KANSL1: variants seen among roughly 807,000 people sequenced by gnomAD.
KANSL1 encodes the protein KAT8 regulatory NSL complex subunit 1, also known as MLL1/MLL complex subunit KANSL1.
In KANSL1, 22 loss-of-function variants were observed where a neutral mutation model predicts 103.6. The observed-to-expected ratio is 0.21, with a 90% confidence interval of 0.15 to 0.30. KANSL1 has a LOEUF of 0.30. KANSL1 is among the 10% of genes least tolerant of loss of function. The pLI is 1.00. For missense variants in KANSL1, 1,337 were observed against 1,399.8 expected, an observed-to-expected ratio of 0.96 and a Z score of 0.72; for synonymous variants, 600 against 527.6, an observed-to-expected ratio of 1.14 and a Z score of -1.88.
Position 46,031,775 on chromosome 17 carries a change from C to A in KANSL1, c.3091-72G>T. 2.1e-6 allele frequency: 3 copies of A among 1,401,008 alleles called. No homozygotes were observed. The South Asian group carries it at 3.9e-5, about 18-fold the overall frequency. The allele number at this position is 1,401,008 out of a possible 1,614,324, so 86.8% of individuals were successfully genotyped here. A position where few individuals can be genotyped will look rare whatever the true frequency, so the allele number is the denominator to read the frequency against. Reference sequence around the variant, plus strand: ...TGCTTCCTGCTCCAAGGCCCTGCCACAAACCTTGTGGCCTGGAGCCTAGGA... The same window carrying A: ...TGCTTCCTGCTCCAAGGCCCTGCCAAAAACCTTGTGGCCTGGAGCCTAGGA... On this transcript the variant is annotated intron_variant, in intron 14 of 14. Transcript: ENST00000432791.
chr17:46,168,977 C>T (rs1447609429), intron 2 of KANSL1, among the ~76,000 whole-genome samples: 1 of 152,208 alleles, frequency 6.6e-6, no homozygotes, highest in Admixed American at 6.5e-5. Flanking sequence ...GTTTGTAACG[C>T]TTACCTACAA....
At chr17:46,167,886 G>T (rs987781603) in intron 2 of KANSL1, among the ~76,000 whole-genome samples, 1 of 152,236 alleles carries the variant, frequency 6.6e-6, no homozygotes, top group African/African-American at 2.4e-5. Flanking sequence ...TCTTAGTGAA[G>T]AAAGGGATTA....
intron 1 of KANSL1, among the ~76,000 whole-genome samples, chr17:46,184,088 A>G (rs1478858891): frequency 2.0e-5 from 3 of 152,334 alleles, no homozygotes; most frequent in South Asian, 2.1e-4. Flanking sequence ...ACTTTTTACC[A>G]TAAATATTTA....
At chr17:46,035,816 G>A (rs1394288410) in intron 10 of KANSL1, 1 of 148,802 alleles carries the variant, frequency 6.7e-6, no homozygotes, top group African/African-American at 2.4e-5. Context: ...TAGTACCTTC[G>A]AGAAAAAGAT....
intron 2 of KANSL1, among the ~76,000 whole-genome samples, chr17:46,160,039 A>C (rs2147606268): frequency 6.6e-6 from 1 of 152,324 alleles, no homozygotes; most frequent in South Asian, 2.1e-4. Context: ...TATCAGTTCC[A>C]GGAGTTATCT....
intron 3 of KANSL1, among the ~76,000 whole-genome samples, chr17:46,082,786 T>C (rs985490812): frequency 6.6e-5 from 10 of 152,142 alleles, no homozygotes; most frequent in Non-Finnish European, 1.2e-4. Context: ...ATCAGCCATT[T>C]AGCATCTTTA....
chr17:46,140,231 GA>G (rs568450002), intron 2 of KANSL1, among the ~76,000 whole-genome samples: 1 of 152,016 alleles, frequency 6.6e-6, no homozygotes, highest in African/African-American at 2.4e-5. Flanking sequence ...TATACAACCG[GA>G]AAAAATTTTA....
At chr17:46,196,564 C>A, upstream of KANSL1, 2 of 391,486 alleles carry the variant, frequency 5.1e-6, no homozygotes, top group South Asian at 3.7e-5. Context: ...GAGAGTTGGT[C>A]CTTGGTGATA....
intron 2 of KANSL1, among the ~76,000 whole-genome samples, chr17:46,164,999 C>T (rs909464326): frequency 4.6e-5 from 7 of 152,146 alleles, no homozygotes; most frequent in Non-Finnish European, 1.0e-4. Context: ...CCCAGTTACT[C>T]CTGAGGCTGA....
intron 7 of KANSL1, chr17:46,042,787 G>GAAAAAA (rs66892743): frequency 1.3e-5 from 1 of 78,632 alleles, no homozygotes; most frequent in Non-Finnish European, 3.3e-5. Context: ...CTGAGTTGGG[G>GAAAAAA]AAAAAAAAAA....
At position 46,031,555 on chromosome 17, in the gene KANSL1, G is replaced by A. The variant is rs768634007; in HGVS notation, c.3239C>T (p.Pro1080Leu). The A allele has an allele frequency of 2.5e-6, 4 of 1,614,088 alleles. No homozygotes were observed. The highest frequency in any genetic ancestry group is 3.4e-6 in the Non-Finnish European group (4 of 1,180,008). The part of the protein sequence containing the change: ...SKTGRETEAA[P>L]TSPPIVPLKS... ...GAGGGGGACAATGGGAGGCGAGGTGGGCGCTGCCTCTGTCTCCCGGCCAGT... is the reference window on the plus strand; with the variant it reads ...GAGGGGGACAATGGGAGGCGAGGTGAGCGCTGCCTCTGTCTCCCGGCCAGT... The change falls in exon 15 of 15, where the codon CCC becomes CTC. Residue 1080 changes from proline (P) to leucine (L), a missense_variant. Transcript: ENST00000432791.
At chr17:46,177,963 G>T (rs1233126179) in intron 1 of KANSL1, among the ~76,000 whole-genome samples, 1 of 152,104 alleles carries the variant, frequency 6.6e-6, no homozygotes, top group Non-Finnish European at 1.5e-5. Flanking sequence ...ATTTTTAGTA[G>T]AGACAGGGTT....
Position 46,080,055 on chromosome 17 carries a change from T to G in KANSL1, c.1533+2386A>C, listed in dbSNP as rs191716367. Among the ~76,000 whole-genome samples, 5 of 151,762 alleles carry G rather than the reference T, an allele frequency of 3.3e-5. No homozygotes were observed. The East Asian group carries it at 9.7e-4, about 29-fold the overall frequency. On this transcript the variant is annotated intron_variant, in intron 4 of 14. Coordinates refer to ENST00000432791, the MANE Select transcript of KANSL1 (RefSeq NM_015443.4). The stretch of plus-strand genomic sequence containing the variant: ...AGAGAGAGAAAGAAAAAGAAAAGAA[T>G]TATATCTAATGTTTTGAAACTATAT...
chr17:46,161,859 G>A (rs55818229), intron 2 of KANSL1, among the ~76,000 whole-genome samples: 17,133 of 149,946 alleles, frequency 0.11, no homozygotes, highest in Non-Finnish European at 0.17. Context: ...TAAATAGGCT[G>A]CTAGAGCAAA....
intron 1 of KANSL1, among the ~76,000 whole-genome samples, chr17:46,180,820 C>T (rs1296108925): frequency 2.0e-5 from 3 of 151,934 alleles, no homozygotes; most frequent in Non-Finnish European, 4.4e-5. Context: ...GTCAACATAG[C>T]GAGATCGAGT....
At chr17:46,174,284 A>C (rs2046420164) in intron 1 of KANSL1, among the ~76,000 whole-genome samples, 1 of 152,168 alleles carries the variant, frequency 6.6e-6, no homozygotes, top group Non-Finnish European at 1.5e-5. Flanking sequence ...TCCTGGGTTC[A>C]AGTGATTCTC....
chr17:46,171,715 C>G lies in KANSL1; in HGVS notation c.429G>C (p.Thr143=), dbSNP rs1415127228. 1 of 1,565,410 alleles carries G rather than the reference C, an allele frequency of 6.4e-7. No homozygotes were observed. The highest frequency in any genetic ancestry group is 2.0e-5 in the Admixed American group (1 of 50,290). ...CTTGTGGCAGAGCTGTCTGACCACT[C>G]GTATTCATGGTTCTAAGATTTTCTA... The part of the protein sequence containing the change: ...FSLENLRTMN[T]SGQTALPQAP... The change falls in exon 2 of 15, where the codon ACG becomes ACC. Residue 143 remains threonine (T), a synonymous_variant. Coordinates refer to ENST00000432791, the MANE Select transcript of KANSL1 (RefSeq NM_015443.4).
chr17:46,034,683 G>A (rs921753647), intron 10 of KANSL1: 1 of 198,522 alleles, frequency 5.0e-6, no homozygotes, highest in African/African-American at 2.4e-5. Context: ...ACTCATAGTG[G>A]CCCCTCCCCT....
At chr17:46,135,695 CTTTTTTTTTTTTTTTTT>C (rs35094789) in intron 2 of KANSL1, among the ~76,000 whole-genome samples, 1 of 84,430 alleles carries the variant, frequency 1.2e-5, no homozygotes, top group Non-Finnish European at 2.1e-5. Context: ...CCATGCCTGG[CTTTTTTTTTTTTTTTTT>C]TTTTTTTTTG....
Sources: gnomAD v4.1 joint callset for allele counts (sites outside exome capture counted in the v4.1 genomes callset) on GRCh38, gnomAD v4.1.1 for gene constraint, MANE v1.5 for transcripts, NCBI Gene and HGNC (gene_info 2026-07-23, HGNC 2026-07-21) for gene names.